The following PAK5 variants were observed in gnomAD, a reference collection of about 807,000 sequenced individuals.
PAK5 encodes serine/threonine-protein kinase PAK 5.
In PAK5, 16 loss-of-function variants were observed where a neutral mutation model predicts 65.9. The observed-to-expected ratio is 0.24, with a 90% CI of 0.16 to 0.37. PAK5 has a LOEUF of 0.37. PAK5 is among the 10% of genes least tolerant of loss of function. The pLI is 1.00. For synonymous variants in PAK5, 371 were observed against 354.9 expected (o/e 1.05, Z -0.51); for missense variants, 785 against 903.9 (o/e 0.87, Z 1.69).
chr20:9,587,144 G>A (rs60678158), intron 3 of PAK5, among the ~76,000 whole-genome samples: 5,877 of 151,970 alleles, frequency 0.039, 389 homozygotes, highest in African/African-American at 0.13. Context: ...GCGGGGTGGC[G>A]GGCTGCAGTG....
intron 2 of PAK5, among the ~76,000 whole-genome samples, chr20:9,678,975 T>C (rs1294530778): frequency 6.6e-6 from 1 of 152,138 alleles, no homozygotes; most frequent in African/African-American, 2.4e-5. Context: ...AGTTGACCCT[T>C]GAACAAAACA....
At chr20:9,806,141 T>TTTAC (rs2049230016) in intron 1 of PAK5, among the ~76,000 whole-genome samples, 2 of 151,738 alleles carry the variant, frequency 1.3e-5, no homozygotes, top group South Asian at 2.1e-4. Context: ...ATTTTATTTA[T>TTTAC]TTATTTATTT....
At chr20:9,804,136 G>A (rs1215055476) in intron 1 of PAK5, among the ~76,000 whole-genome samples, 1 of 152,038 alleles carries the variant, frequency 6.6e-6, no homozygotes, top group Non-Finnish European at 1.5e-5. Flanking sequence ...ATTCAGACTT[G>A]CTCTATCAGA....
At chr20:9,761,217 G>C (rs897879863) in intron 1 of PAK5, among the ~76,000 whole-genome samples, 1 of 152,018 alleles carries the variant, frequency 6.6e-6, no homozygotes, top group African/African-American at 2.4e-5. Context: ...GCCTGATGCT[G>C]TATTAACTGA....
chr20:9,735,858 T>C (rs1356970037), intron 1 of PAK5, among the ~76,000 whole-genome samples: 2 of 151,552 alleles, frequency 1.3e-5, no homozygotes, highest in African/African-American at 4.9e-5. Context: ...AAAACCCGTC[T>C]CTACTAAAAA....
chr20:9,593,379 G>A (rs1398797133), intron 3 of PAK5, among the ~76,000 whole-genome samples: 2 of 152,130 alleles, frequency 1.3e-5, no homozygotes, highest in Non-Finnish European at 2.9e-5. Context: ...AGTGGAGCCT[G>A]ATGCATCTCT....
chr20:9,740,155 C>G lies in PAK5; in HGVS notation c.-161-28720G>C, dbSNP rs112243047. The stretch of plus-strand genomic sequence containing the variant: ...CGGAGCCACTACTGGACTTTAACAG[C>G]AAACACCTTAATTAAGTGTTAATAC... On this transcript the variant is annotated intron_variant, in intron 1 of 9. Coordinates refer to ENST00000353224, the MANE Select transcript of PAK5 (RefSeq NM_177990.4). 8.0e-3 allele frequency among the ~76,000 whole-genome samples: 1,222 copies of G among 152,268 alleles called. 17 individuals are homozygous for G. The highest frequency in any genetic ancestry group is 0.028 in the African/African-American group (1,172 of 41,558).
intron 1 of PAK5, among the ~76,000 whole-genome samples, chr20:9,795,642 C>T (rs1743551203): frequency 6.6e-6 from 1 of 152,086 alleles, no homozygotes; most frequent in South Asian, 2.1e-4. Context: ...TTGTATTACA[C>T]TTTAAATCTT....
At chr20:9,754,088 T>A (rs2048606187) in intron 1 of PAK5, among the ~76,000 whole-genome samples, 1 of 152,140 alleles carries the variant, frequency 6.6e-6, no homozygotes, top group Non-Finnish European at 1.5e-5. Flanking sequence ...CCTTCCCATA[T>A]CTTTCCAGAA....
Position 9,839,053 on chromosome 20 carries a change from G to A in PAK5, c.-453C>T, listed in dbSNP as rs1004799666. On this transcript the variant is annotated 5_prime_UTR_variant, in exon 1 of 10. Coordinates refer to ENST00000353224, the MANE Select transcript of PAK5 (RefSeq NM_177990.4). ...GCTCCGGGTTTTCGTGGCAGCCGGC[G>A]GGAGGCAGGCTGTAGCGGCGGCCGG... 1 of 152,236 alleles carries A rather than the reference G, an allele frequency of 6.6e-6. No homozygotes were observed. The highest frequency in any genetic ancestry group is 1.5e-5 in the Non-Finnish European group (1 of 68,126). The allele number at this position is 152,236 out of a possible 1,614,324, so 9.4% of individuals were successfully genotyped here. A position where few individuals can be genotyped will look rare whatever the true frequency, so the allele number is the denominator to read the frequency against.
Position 9,838,056 on chromosome 20 carries a change from C to CA in PAK5, c.-162+705_-162+706insT, listed in dbSNP as rs1979292080. On this transcript the variant is annotated intron_variant, in intron 1 of 9. Coordinates refer to ENST00000353224, the MANE Select transcript of PAK5 (RefSeq NM_177990.4). This position sits in a 1 kb window ranked among gnomAD's most constrained non-coding sequence, Gnocchi z 4.5. ...TCCCTGGACTTCTCAAGTTTACCCTCTAGGAGGCTGACATGGCACACAATT... is the reference window on the plus strand; with the variant it reads ...TCCCTGGACTTCTCAAGTTTACCCTCATAGGAGGCTGACATGGCACACAATT... Among the ~76,000 whole-genome samples the CA allele has an allele frequency of 6.6e-6, 1 of 152,030 alleles. No homozygotes were observed. The highest frequency in any genetic ancestry group is 1.5e-5 in the Non-Finnish European group (1 of 67,984).
At chr20:9,585,430 T>C (rs911988337) in intron 3 of PAK5, among the ~76,000 whole-genome samples, 3 of 152,206 alleles carry the variant, frequency 2.0e-5, no homozygotes, top group African/African-American at 4.8e-5. Flanking sequence ...TCTTTTAGGC[T>C]AAACAAAATA....
intron 3 of PAK5, among the ~76,000 whole-genome samples, chr20:9,622,562 T>C (rs2046785106): frequency 6.6e-6 from 1 of 152,116 alleles, no homozygotes; most frequent in Non-Finnish European, 1.5e-5. Flanking sequence ...ATACCCGGAG[T>C]GTCTGTTGAC....
chr20:9,690,750 C>CTTTTTTT (rs112955560), intron 2 of PAK5, among the ~76,000 whole-genome samples: 10 of 103,978 alleles, frequency 9.6e-5, no homozygotes, highest in South Asian at 3.1e-4. Context: ...TTCTTTCTTT[C>CTTTTTTT]TTTTTTTTTT....
In PAK5 at chr20:9,598,714, G is replaced by A. The variant is rs185819996; in HGVS notation, c.205-17784C>T. ...TTTGCATTTCTCTAATGATAGTGAT[G>A]TTGAGCTTTATTTCATATGCTTGTT... On this transcript the variant is annotated intron_variant, in intron 3 of 9. Coordinates refer to ENST00000353224, the MANE Select transcript of PAK5 (RefSeq NM_177990.4). Among the ~76,000 whole-genome samples the A allele has an allele frequency of 6.6e-4, 100 of 152,284 alleles. 1 individual carries two copies. The highest frequency in any genetic ancestry group is 2.3e-3 in the African/African-American group (94 of 41,566).
intron 3 of PAK5, among the ~76,000 whole-genome samples, chr20:9,638,265 T>C (rs746353725): frequency 6.6e-6 from 1 of 152,238 alleles, no homozygotes; most frequent in Non-Finnish European, 1.5e-5. Flanking sequence ...TGACATTAGA[T>C]ATAAAAGGAG....
intron 2 of PAK5, among the ~76,000 whole-genome samples, chr20:9,656,348 C>A (rs1212569347): frequency 6.6e-6 from 1 of 152,050 alleles, no homozygotes; most frequent in Non-Finnish European, 1.5e-5. Flanking sequence ...AAGCAGACAG[C>A]ACACAGGGTG....
chr20:9,584,626 C>G (rs540779544), intron 3 of PAK5, among the ~76,000 whole-genome samples: 2 of 152,302 alleles, frequency 1.3e-5, no homozygotes, highest in East Asian at 3.9e-4. Flanking sequence ...TACCACTTCT[C>G]TATTTCCTCA....
At chr20:9,680,635 CCTGAGCATGTTT>C (rs1337026340) in intron 2 of PAK5, among the ~76,000 whole-genome samples, 2 of 152,090 alleles carry the variant, frequency 1.3e-5, no homozygotes, top group Non-Finnish European at 2.9e-5. Flanking sequence ...TGTGCATGGC[CCTGAGCATGTTT>C]CTGTGACCAG....
Sources: allele counts gnomAD v4.1 joint callset (sites outside exome capture counted in the v4.1 genomes callset), GRCh38; gene constraint gnomAD v4.1.1; non-coding constraint Gnocchi (gnomAD v3.1); transcripts MANE v1.5; gene names NCBI Gene and HGNC (gene_info 2026-07-23, HGNC 2026-07-21).